KCNH8: variants seen among roughly 807,000 people sequenced by gnomAD.
KCNH8 encodes the protein potassium voltage-gated channel subfamily H member 8.
A neutral mutation model predicts 103.6 loss-of-function variants in KCNH8; 70 were observed. The ratio of observed to expected loss-of-function variants is 0.68; its 90% CI spans 0.56 to 0.82. The LOEUF (loss-of-function observed/expected upper bound fraction) is 0.82. Ranked by LOEUF, KCNH8 falls within the 40% of genes least tolerant of loss-of-function variation. The pLI, the probability that KCNH8 is intolerant of heterozygous loss-of-function variation, is 0.00. For synonymous variants in KCNH8, 498 were observed against 489.4 expected (o/e 1.02, Z -0.23); for missense variants, 1,217 against 1,329.9 (o/e 0.92, Z 1.32).
At chr3:19,295,996 A>G (rs928591341) in intron 3 of KCNH8, among the ~76,000 whole-genome samples, 2 of 152,138 alleles carry the variant, frequency 1.3e-5, no homozygotes, top group African/African-American at 4.8e-5. Context: ...ACAGTAGGAA[A>G]AAAAGTGTCC....
intron 1 of KCNH8, among the ~76,000 whole-genome samples, chr3:19,170,463 A>G (rs925812757): frequency 2.0e-4 from 30 of 151,722 alleles, no homozygotes; most frequent in African/African-American, 5.6e-4. Flanking sequence ...AGAGAGTTAC[A>G]TAGGGAAGAG....
chr3:19,467,279 T>C (rs1461737358), intron 11 of KCNH8, among the ~76,000 whole-genome samples: 2 of 149,038 alleles, frequency 1.3e-5, no homozygotes, highest in African/African-American at 5.0e-5. Flanking sequence ...TTGTCTCCTT[T>C]CGCAGATTCA....
intron 5 of KCNH8, among the ~76,000 whole-genome samples, chr3:19,389,155 C>G (rs1382848063): frequency 6.6e-6 from 1 of 152,134 alleles, no homozygotes; most frequent in African/African-American, 2.4e-5. Context: ...GCATAGCAAA[C>G]TTATCAACTT....
intron 11 of KCNH8, among the ~76,000 whole-genome samples, chr3:19,467,502 A>G (rs1180446754): frequency 1.3e-5 from 2 of 152,188 alleles, no homozygotes; most frequent in Non-Finnish European, 2.9e-5. Flanking sequence ...CAGCTGTACA[A>G]AGTATGTGTT....
intron 1 of KCNH8, among the ~76,000 whole-genome samples, chr3:19,226,738 A>T (rs1234000844): frequency 6.6e-6 from 1 of 152,152 alleles, no homozygotes; most frequent in African/African-American, 2.4e-5. Flanking sequence ...GGTGCCATTC[A>T]CAAAAGACCC....
At chr3:19,510,428 A>G (rs780597669) in intron 12 of KCNH8, 27 bp downstream of exon 12, 21 of 1,395,692 alleles carry the variant, frequency 1.5e-5, no homozygotes, top group Admixed American at 3.4e-5. Flanking sequence ...ACAGCAAAAT[A>G]TTTATCTAAA....
At chr3:19,511,507 T>G (rs1449829746) in intron 12 of KCNH8, among the ~76,000 whole-genome samples, 1 of 152,178 alleles carries the variant, frequency 6.6e-6, no homozygotes, top group Non-Finnish European at 1.5e-5. Flanking sequence ...TGTTTCTCAT[T>G]TCTTAGATTA....
At chr3:19,296,313 T>C (rs2125285779) in intron 3 of KCNH8, among the ~76,000 whole-genome samples, 1 of 152,320 alleles carries the variant, frequency 6.6e-6, no homozygotes, top group Middle Eastern at 3.4e-3. Context: ...GATGAAAATT[T>C]TGCCCAAGTA....
In KCNH8 at chr3:19,342,608, G is replaced by C. The variant is rs150193617; in HGVS notation, c.464G>C (p.Arg155Thr). The C allele has an allele frequency of 2.5e-6, 4 of 1,610,490 alleles. No homozygotes were observed. Among genetic ancestry groups the C allele is most frequent in the Non-Finnish European group, 3.4e-6 (4 of 1,177,668 alleles). Residue 155 changes from arginine (R) to threonine (T), a missense_variant, in exon 4 of 16, where the codon AGA (arginine) becomes ACA (threonine). By Grantham distance (71) the Arg-to-Thr change is moderately conservative. This residue lies in a region of KCNH8 where 244 missense variants were observed against 256.8 expected (regional missense o/e 0.95). Transcript: ENST00000328405. ...KKEDKVKGRS[R>T]AGTHFDSARR... ...CCAGACAAAGTCAAAGGAAGATCAA[G>C]AGCAGGGACCCACTTTGACTCAGCC... is the stretch of plus-strand genomic sequence containing the variant.
chr3:19,270,464 G>A (rs2064572414), intron 2 of KCNH8, among the ~76,000 whole-genome samples: 1 of 152,118 alleles, frequency 6.6e-6, no homozygotes, highest in Non-Finnish European at 1.5e-5. Flanking sequence ...TTCACAAAAC[G>A]ATTTCTGTCT....
intron 7 of KCNH8, among the ~76,000 whole-genome samples, chr3:19,406,053 C>CAT (rs2066686616): frequency 6.6e-6 from 1 of 152,028 alleles, no homozygotes; most frequent in South Asian, 2.1e-4. Flanking sequence ...TATTTGGTTA[C>CAT]ATTACCTTTA....
intron 11 of KCNH8, among the ~76,000 whole-genome samples, chr3:19,484,867 G>A (rs978056196): frequency 6.6e-6 from 1 of 152,096 alleles, no homozygotes; most frequent in African/African-American, 2.4e-5. Flanking sequence ...AACTCTCGGG[G>A]AGTGCCTGGA....
chr3:19,154,780 T>C (rs935436426), intron 1 of KCNH8, among the ~76,000 whole-genome samples: 1 of 152,158 alleles, frequency 6.6e-6, no homozygotes, highest in Admixed American at 6.5e-5. Flanking sequence ...GAAAAAGAAT[T>C]GAGGGTTTGC....
At chr3:19,402,096 TAA>T (rs1434548278) in intron 7 of KCNH8, among the ~76,000 whole-genome samples, 2 of 151,982 alleles carry the variant, frequency 1.3e-5, no homozygotes, top group Non-Finnish European at 2.9e-5. Context: ...TCCCTGTTCG[TAA>T]AGACTGAGAA....
chr3:19,206,624 C>T (rs186043773), intron 1 of KCNH8, among the ~76,000 whole-genome samples: 132 of 151,926 alleles, frequency 8.7e-4, no homozygotes, highest in Admixed American at 2.0e-3. Context: ...TTATCCTGTA[C>T]CTTATAGGAT....
intron 3 of KCNH8, among the ~76,000 whole-genome samples, chr3:19,300,141 C>T (rs1036874421): frequency 5.3e-5 from 8 of 151,652 alleles, no homozygotes; most frequent in African/African-American, 9.7e-5. Context: ...CTTGGCTACT[C>T]GGGAGGCTGA....
At chr3:19,460,677 C>A (rs1306792690) in intron 11 of KCNH8, among the ~76,000 whole-genome samples, 1 of 152,146 alleles carries the variant, frequency 6.6e-6, no homozygotes, top group African/African-American at 2.4e-5. Context: ...AAGTTGATTT[C>A]TCTCAAATTC....
chr3:19,204,531 T>A (rs567715256), intron 1 of KCNH8, among the ~76,000 whole-genome samples: 80 of 152,148 alleles, frequency 5.3e-4, no homozygotes, highest in Non-Finnish European at 1.0e-3. Context: ...CTTCTAAGAT[T>A]CATATTTTAG....
At chr3:19,274,427 C>T (rs2064633549) in intron 2 of KCNH8, among the ~76,000 whole-genome samples, 1 of 152,096 alleles carries the variant, frequency 6.6e-6, no homozygotes, top group Non-Finnish European at 1.5e-5. Flanking sequence ...CTCAGTTGTT[C>T]CATTTCCTAC....
Sources: gnomAD v4.1 joint callset for allele counts (sites outside exome capture counted in the v4.1 genomes callset) on GRCh38, gnomAD v4.1.1 for gene constraint, gnomAD v4.1.1 regional missense constraint, MANE v1.5 for transcripts, NCBI Gene and HGNC (gene_info 2026-07-23, HGNC 2026-07-21) for gene names.